The following MAGI2 variants were observed in gnomAD, a reference collection of about 807,000 sequenced individuals.
The protein encoded by MAGI2 is membrane associated guanylate kinase, WW and PDZ domain containing 2, also known as membrane-associated guanylate kinase, WW and PDZ domain-containing protein 2.
MAGI2 carries 35 observed loss-of-function variants against 133.3 expected under a neutral mutation model. The observed-to-expected ratio is 0.26, with a 90% CI of 0.20 to 0.35. The LOEUF (loss-of-function observed/expected upper bound fraction) is 0.35, where lower values mean the gene tolerates loss of function less well. Among genes scored for constraint, MAGI2 ranks in the 10% least tolerant of loss-of-function variants. The probability of loss-of-function intolerance (pLI) is 1.00; values close to 1 mark genes in which losing one functional copy is unlikely to be tolerated. For synonymous variants in MAGI2, 729 were observed against 710.6 expected, an observed-to-expected ratio of 1.03 and a Z score of -0.41; for missense variants, 1,636 against 1,863.4, an observed-to-expected ratio of 0.88 and a Z score of 2.25.
At chr7:79,002,442 G>C (rs1806964352) in intron 2 of MAGI2, among the ~76,000 whole-genome samples, 1 of 151,974 alleles carries the variant, frequency 6.6e-6, no homozygotes, top group Non-Finnish European at 1.5e-5. Context: ...ATCTCAGCCT[G>C]TGTATTTGCA....
At chr7:78,956,767 G>A (rs981914731) in intron 2 of MAGI2, among the ~76,000 whole-genome samples, 7 of 152,216 alleles carry the variant, frequency 4.6e-5, no homozygotes, top group African/African-American at 1.7e-4. Context: ...TAATACATCA[G>A]TCCATTGACT....
chr7:78,889,817 C>T (rs1009599778), intron 2 of MAGI2, among the ~76,000 whole-genome samples: 1 of 152,184 alleles, frequency 6.6e-6, no homozygotes, highest in South Asian at 2.1e-4. Context: ...GAAACTACAT[C>T]AACTAACGAG....
At chr7:79,142,483 C>T (rs10247602) in intron 1 of MAGI2, among the ~76,000 whole-genome samples, 6,875 of 152,078 alleles carry the variant, frequency 0.045, 492 homozygotes, top group African/African-American at 0.16. Flanking sequence ...GCCTTGGTTT[C>T]GGGGTTACCG....
chr7:79,129,043 G>T (rs1355855074), intron 1 of MAGI2, among the ~76,000 whole-genome samples: 1 of 151,892 alleles, frequency 6.6e-6, no homozygotes, highest in Non-Finnish European at 1.5e-5. Context: ...GCTAATTTTT[G>T]TATTTTTAGC....
chr7:79,168,327 C>T (rs1480793689), intron 1 of MAGI2, among the ~76,000 whole-genome samples: 1 of 152,012 alleles, frequency 6.6e-6, no homozygotes, highest in Admixed American at 6.6e-5. Flanking sequence ...TTTGCTGTGT[C>T]TAGCATATAT....
At chr7:78,500,170 G>T (rs1468884809) in intron 5 of MAGI2, among the ~76,000 whole-genome samples, 1 of 152,212 alleles carries the variant, frequency 6.6e-6, no homozygotes, top group Admixed American at 6.5e-5. Flanking sequence ...TTGGTCGCAT[G>T]ATTCAGAGTT....
At chr7:78,364,067 C>T (rs957840831) in intron 7 of MAGI2, among the ~76,000 whole-genome samples, 1 of 152,108 alleles carries the variant, frequency 6.6e-6, no homozygotes, top group African/African-American at 2.4e-5. Flanking sequence ...TCTGCCTACT[C>T]AAGATCTCAC....
chr7:78,909,602 C>CAAAAAAAAAAAAAA (rs1237807866), intron 2 of MAGI2, among the ~76,000 whole-genome samples: 1 of 42,160 alleles, frequency 2.4e-5, no homozygotes, highest in Non-Finnish European at 4.2e-5. Context: ...GACTCCATCT[C>CAAAAAAAAAAAAAA]AAAAAAAAAA....
chr7:78,070,331 T>C (rs1043477757), intron 21 of MAGI2, among the ~76,000 whole-genome samples: 1 of 149,030 alleles, frequency 6.7e-6, no homozygotes, highest in Non-Finnish European at 1.5e-5. Flanking sequence ...AAAAGGAAGA[T>C]ATGCTCAACC....
intron 21 of MAGI2, among the ~76,000 whole-genome samples, chr7:78,027,375 C>T (rs1344871438): frequency 6.6e-6 from 1 of 151,922 alleles, no homozygotes; most frequent in Admixed American, 6.5e-5. Context: ...CACCTGTAAT[C>T]CCAGCACTTT....
intron 2 of MAGI2, among the ~76,000 whole-genome samples, chr7:78,771,963 C>T (rs1335953391): frequency 6.6e-6 from 1 of 152,108 alleles, no homozygotes; most frequent in East Asian, 1.9e-4. Flanking sequence ...TAGCAAGTAT[C>T]CTCTTCTTGC....
At chr7:78,826,990 T>C (rs997898336) in intron 2 of MAGI2, among the ~76,000 whole-genome samples, 15 of 152,238 alleles carry the variant, frequency 9.9e-5, no homozygotes, top group Middle Eastern at 3.4e-3. Context: ...GCTAGAGTAA[T>C]TGATGTGGTG....
intron 10 of MAGI2, among the ~76,000 whole-genome samples, chr7:78,221,794 A>T (rs1051782076): frequency 1.3e-5 from 2 of 151,538 alleles, no homozygotes; most frequent in African/African-American, 4.8e-5. Context: ...AGAGTTCAGG[A>T]CCAGCCTAGG....
At chr7:78,793,428 G>A (rs1462357296) in intron 2 of MAGI2, among the ~76,000 whole-genome samples, 3 of 152,158 alleles carry the variant, frequency 2.0e-5, no homozygotes, top group African/African-American at 7.2e-5. Flanking sequence ...CAATACACCA[G>A]ACAGCCTCCC....
chr7:78,487,895 A>G (rs1374394351), intron 6 of MAGI2, among the ~76,000 whole-genome samples: 1 of 152,066 alleles, frequency 6.6e-6, no homozygotes, highest in Non-Finnish European at 1.5e-5. Context: ...GTTCAATAGC[A>G]ATCCATTAAC....
chr7:78,614,070 A>G (rs548328710), intron 3 of MAGI2, among the ~76,000 whole-genome samples: 3 of 151,792 alleles, frequency 2.0e-5, no homozygotes, highest in Non-Finnish European at 4.4e-5. Context: ...AGATCATGCC[A>G]CTGGACTCCA....
At chr7:78,850,074 C>A (rs974249505) in intron 2 of MAGI2, among the ~76,000 whole-genome samples, 1 of 152,010 alleles carries the variant, frequency 6.6e-6, no homozygotes, top group Non-Finnish European at 1.5e-5. Flanking sequence ...TGTATAGATG[C>A]TTGTCCTACA....
intron 1 of MAGI2, among the ~76,000 whole-genome samples, chr7:79,174,894 C>T (rs1386722068): frequency 6.6e-6 from 1 of 151,782 alleles, no homozygotes; most frequent in Non-Finnish European, 1.5e-5. Context: ...GATATAAATA[C>T]TGTCTGTGGC....
chr7:79,118,315 C>A (rs982550685), intron 1 of MAGI2, among the ~76,000 whole-genome samples: 2 of 152,132 alleles, frequency 1.3e-5, no homozygotes, highest in African/African-American at 4.8e-5. Context: ...GCACTCGACT[C>A]TAGAAATAAT....
Sources: gnomAD v4.1 joint callset for allele counts (sites outside exome capture counted in the v4.1 genomes callset) on GRCh38, gnomAD v4.1.1 for gene constraint, MANE v1.5 for transcripts, NCBI Gene and HGNC (gene_info 2026-07-23, HGNC 2026-07-21) for gene names.